The following TDP2 variants were observed in gnomAD, a reference collection of about 807,000 sequenced individuals.
TDP2 encodes the protein tyrosyl-DNA phosphodiesterase 2, also known as 5'-Tyr-DNA phosphodiesterase.
A neutral mutation model predicts 42.8 loss-of-function variants in TDP2; 38 were observed. That is an observed-to-expected ratio of 0.89 (90% CI 0.68 to 1.16). The LOEUF (loss-of-function observed/expected upper bound fraction) is 1.16. TDP2 is among the 50% of genes most tolerant of loss of function. The probability of loss-of-function intolerance (pLI) is 0.00; values close to 1 mark genes in which losing one functional copy is unlikely to be tolerated. For synonymous variants in TDP2, 173 were observed against 150.6 expected, an observed-to-expected ratio of 1.15 and a Z score of -1.09; for missense variants, 439 against 439.3, an observed-to-expected ratio of 1.00 and a Z score of 0.01.
chr6:24,659,339 T>G (rs1396994555), intron 2 of TDP2, among the ~76,000 whole-genome samples: 1 of 152,224 alleles, frequency 6.6e-6, no homozygotes, highest in Non-Finnish European at 1.5e-5. Flanking sequence ...CTTTGGTGTC[T>G]CAGGGTATTG....
rs752399511 is a variant in TDP2, at chr6:24,653,081, G to A, written c.709C>T (p.Arg237Ter). The A allele has an allele frequency of 7.4e-6, 12 of 1,614,046 alleles. No individual in the cohort carries two copies. The highest frequency in any genetic ancestry group is 1.3e-5 in the African/African-American group (1 of 74,980). The change falls in exon 6 of 7, where the codon CGA (arginine) becomes TGA (stop). Residue 237 changes from arginine to a stop codon, truncating the protein, a stop_gained. Coordinates refer to ENST00000378198, the MANE Select transcript of TDP2 (RefSeq NM_016614.3). LOFTEE classifies it high-confidence loss of function. The part of the protein sequence containing the change: ...LESTRGHAAE[R>*]MNQLKMVLKK... ...AAAACCATTTTTAACTGATTCATTC[G>A]TTCCGCAGCATGCCCTCTGGTGCTC...
chr6:24,650,690 G>A lies in TDP2; in HGVS notation c.*98C>T, dbSNP rs1274889355. On this transcript the variant is annotated 3_prime_UTR_variant, in exon 7 of 7. Transcript: ENST00000378198. ...TCATAGTTGGTTTTTCTGTGACAAT[G>A]ATCTAGTACATTATTTCCTCCACAG... 1 of 1,198,934 alleles carries A rather than the reference G, an allele frequency of 8.3e-7. No homozygotes were observed. Among genetic ancestry groups the A allele is most frequent in the Non-Finnish European group, 1.2e-6 (1 of 850,470 alleles). The allele number at this position is 1,198,934 out of a possible 1,614,324, so 74.3% of individuals were successfully genotyped here. A position where few individuals can be genotyped will look rare whatever the true frequency, so the allele number is the denominator to read the frequency against.
In TDP2 at chr6:24,650,951, GC is replaced by G. The variant is rs1464386110; in HGVS notation, c.925del (p.Ala309LeufsTer31). The G allele has an allele frequency of 1.2e-6, 2 of 1,614,138 alleles. No individual in the cohort carries two copies. The highest frequency in any genetic ancestry group is 4.5e-5 in the East Asian group (2 of 44,868). ...TCGATCAAAACGAAGTTTACAAGCA[GC>G]AGTTATTCCAAGATTAGAGTTCATT... ...TQMNSNLGITAACKLRFDRIF... is the reference protein window; with the variant it reads ...TQMNSNLGITXACKLRFDRIF... On this transcript the variant is annotated frameshift_variant, in exon 7 of 7. Coordinates refer to ENST00000378198, the MANE Select transcript of TDP2 (RefSeq NM_016614.3). LOFTEE classifies it high-confidence loss of function.
At chr6:24,666,178 A>G (rs751845810) in intron 2 of TDP2, 21 of 1,550,454 alleles carry the variant, frequency 1.4e-5, no homozygotes, top group Non-Finnish European at 1.8e-5. Context: ...GGAAGCAAGG[A>G]GACTTCCAAG....
intron 2 of TDP2, 127 bp downstream of exon 2, chr6:24,666,399 G>T (rs914759978): frequency 1.5e-5 from 22 of 1,423,480 alleles, no homozygotes; most frequent in Non-Finnish European, 2.0e-5. Context: ...TGCTCCTCTG[G>T]CTACGCAGCT....
intron 2 of TDP2, chr6:24,659,015 T>C (rs1183304241): frequency 3.6e-6 from 1 of 280,922 alleles, no homozygotes; most frequent in Non-Finnish European, 6.6e-6. Context: ...GTAGGATCTC[T>C]GACATCAGAA....
chr6:24,660,882 T>C (rs956332961), intron 2 of TDP2, among the ~76,000 whole-genome samples: 2 of 152,274 alleles, frequency 1.3e-5, no homozygotes, highest in Middle Eastern at 3.4e-3. Context: ...GTTTTCCTAT[T>C]ATTTGATTCA....
Position 24,666,803 on chromosome 6 carries a change from AG to A in TDP2, c.59del (p.Pro20LeufsTer3). On this transcript the variant is annotated frameshift_variant, in exon 1 of 7. Coordinates refer to ENST00000378198, the MANE Select transcript of TDP2 (RefSeq NM_016614.3). LOFTEE classifies it high-confidence loss of function. Reference protein sequence around the residue: ...GREAAEEEGEPEVKKRRLLCV... With the variant: ...GREAAEEEGEXEVKKRRLLCV... ...ACAGAAGTCGCCGCTTTTTCACCTC[AG>A]GCTCGCCCTCTTCCTCCGCCGCCTC... is the stretch of plus-strand genomic sequence containing the variant. 6.2e-7 allele frequency: 1 copy of A among 1,614,198 alleles called. No individual in the cohort carries two copies. The highest frequency in any genetic ancestry group is 8.5e-7 in the Non-Finnish European group (1 of 1,180,030).
At chr6:24,665,965 G>A in intron 2 of TDP2, 1 of 1,025,004 alleles carries the variant, frequency 9.8e-7, no homozygotes. Flanking sequence ...AAGTTTGATA[G>A]GCCTGGAACC....
At chr6:24,665,985 A>G in intron 2 of TDP2, 4 of 1,224,580 alleles carry the variant, frequency 3.3e-6, no homozygotes, top group Non-Finnish European at 4.2e-6. Flanking sequence ...CTGGAAAGGC[A>G]GGTTCTAAGT....
chr6:24,661,558 T>C (rs1778147946), intron 2 of TDP2, among the ~76,000 whole-genome samples: 1 of 152,226 alleles, frequency 6.6e-6, no homozygotes, highest in African/African-American at 2.4e-5. Context: ...TTAAGCCCCT[T>C]TCATTCTATG....
At chr6:24,654,937 C>G (rs3181234) in intron 4 of TDP2, among the ~76,000 whole-genome samples, 9 of 152,154 alleles carry the variant, frequency 5.9e-5, no homozygotes, top group African/African-American at 1.9e-4. Context: ...ACTCGGGAGG[C>G]TGAATTAGGC....
At position 24,650,763 on chromosome 6, in the gene TDP2, G is replaced by T; in HGVS notation, c.*25C>A. The T allele has an allele frequency of 6.2e-7, 1 of 1,607,170 alleles. No individual in the cohort carries two copies. Among genetic ancestry groups the T allele is most frequent in the Non-Finnish European group, 8.5e-7 (1 of 1,175,574 alleles). The stretch of plus-strand genomic sequence containing the variant: ...GGAAATTGTATTTGCAACAATCAGG[G>T]CAAAACCCACACTTGAAAAGCATTT... On this transcript the variant is annotated 3_prime_UTR_variant, in exon 7 of 7. Transcript: ENST00000378198.
intron 5 of TDP2, 143 bp downstream of exon 5, chr6:24,654,269 G>T: frequency 2.3e-6 from 1 of 432,650 alleles, no homozygotes; most frequent in Non-Finnish European, 4.1e-6. Flanking sequence ...ATTAATTTTA[G>T]AGAGTGTTAA....
At chr6:24,666,064 C>T (rs1290702484) in intron 2 of TDP2, 1 of 1,520,254 alleles carries the variant, frequency 6.6e-7, no homozygotes, top group African/African-American at 1.4e-5. Flanking sequence ...TGGAGAGGGG[C>T]ACTGAAATAA....
At chr6:24,654,310 G>T in intron 5 of TDP2, 102 bp downstream of exon 5, 1 of 579,718 alleles carries the variant, frequency 1.7e-6, no homozygotes, top group African/African-American at 1.9e-5. Context: ...CATGTGTGAA[G>T]CAAATTTTTC....
intron 5 of TDP2, 55 bp from the exon 6 acceptor site, chr6:24,653,208 T>G (rs1778001825): frequency 1.3e-6 from 2 of 1,551,958 alleles, no homozygotes; most frequent in Non-Finnish European, 1.8e-6. Context: ...ATACTGAACT[T>G]TAATAATAAA....
At chr6:24,661,174 T>C (rs1463077344) in intron 2 of TDP2, among the ~76,000 whole-genome samples, 1 of 152,260 alleles carries the variant, frequency 6.6e-6, no homozygotes, top group Non-Finnish European at 1.5e-5. Flanking sequence ...GAAATAATTA[T>C]CAATACGGCA....
At chr6:24,659,792 A>G (rs17243541) in intron 2 of TDP2, among the ~76,000 whole-genome samples, 39 of 152,296 alleles carry the variant, frequency 2.6e-4, no homozygotes, top group African/African-American at 9.1e-4. Context: ...TACTACAGGG[A>G]AAGAATATTC....
Sources: allele counts gnomAD v4.1 joint callset (sites outside exome capture counted in the v4.1 genomes callset), GRCh38; gene constraint gnomAD v4.1.1; transcripts MANE v1.5; gene names NCBI Gene and HGNC (gene_info 2026-07-23, HGNC 2026-07-21).